Variants in PDE1C observed in about 807,000 individuals in gnomAD.
PDE1C encodes phosphodiesterase 1C.
A neutral mutation model predicts 93.1 loss-of-function variants in PDE1C; 62 were observed. The ratio of observed to expected loss-of-function variants is 0.67; its 90% CI spans 0.54 to 0.82. PDE1C has a LOEUF of 0.82. PDE1C is among the 40% of genes least tolerant of loss of function. The pLI, the probability that PDE1C is intolerant of heterozygous loss-of-function variation, is 0.00. For synonymous variants in PDE1C, 325 were observed against 310.1 expected (o/e 1.05, Z -0.50); for missense variants, 742 against 884.6 (o/e 0.84, Z 2.04).
At chr7:32,304,501 C>T (rs1812949974) in intron 1 of PDE1C, among the ~76,000 whole-genome samples, 1 of 152,170 alleles carries the variant, frequency 6.6e-6, no homozygotes, top group Admixed American at 6.5e-5. Flanking sequence ...CTGTGATGAG[C>T]TTTAGAGCAA....
chr7:32,051,088 C>T (rs79433165), intron 2 of PDE1C, among the ~76,000 whole-genome samples: 5,936 of 152,242 alleles, frequency 0.039, 134 homozygotes, highest in Middle Eastern at 0.085. Context: ...ACAGTCAAAT[C>T]GAAAGACTGC....
At chr7:31,935,570 C>T (rs560987512) in intron 2 of PDE1C, among the ~76,000 whole-genome samples, 1 of 152,224 alleles carries the variant, frequency 6.6e-6, no homozygotes, top group Admixed American at 6.5e-5. Flanking sequence ...TTCAATTATT[C>T]ATTCATTCAT....
At position 32,250,994 on chromosome 7, in the gene PDE1C, T is replaced by G. The variant is rs149535649; in HGVS notation, c.86-41455A>C. Among the ~76,000 whole-genome samples the G allele has an allele frequency of 5.3e-5, 8 of 152,308 alleles. No individual in the cohort carries two copies. In the East Asian group the frequency reaches 1.5e-3, roughly 29 times the overall value. ...TTTGTACAAGTCAAGCCGGATTAAG[T>G]CAGGAGCTCTAGTGAAGCATGATGC... is the stretch of plus-strand genomic sequence containing the variant. On this transcript the variant is annotated intron_variant, in intron 1 of 18. Coordinates refer to the PDE1C transcript ENST00000396193.
At chr7:32,045,928 A>G (rs1367727195) in intron 2 of PDE1C, among the ~76,000 whole-genome samples, 1 of 152,210 alleles carries the variant, frequency 6.6e-6, no homozygotes, top group African/African-American at 2.4e-5. Flanking sequence ...ATGTCAATTC[A>G]TGAAGGCTGA....
the PDE1C span, among the ~76,000 whole-genome samples, chr7:31,702,967 T>C: frequency 6.6e-6 from 1 of 152,240 alleles, no homozygotes; most frequent in Admixed American, 6.5e-5. Context: ...AAATTGAACA[T>C]GGTCTTTGGA....
At chr7:31,705,028 T>A in the PDE1C span, among the ~76,000 whole-genome samples, 2 of 152,184 alleles carry the variant, frequency 1.3e-5, no homozygotes, top group Non-Finnish European at 2.9e-5. Flanking sequence ...AGCTACCACA[T>A]ATTTTTTCAT....
At chr7:32,406,322 G>A (rs1785050753) in intron 1 of PDE1C, among the ~76,000 whole-genome samples, 1 of 152,054 alleles carries the variant, frequency 6.6e-6, no homozygotes, top group Admixed American at 6.6e-5. Context: ...CAGGTTGGTG[G>A]GGAGAATAAG....
At chr7:32,084,556 T>C (rs990722145) in intron 3 of PDE1C, among the ~76,000 whole-genome samples, 4 of 151,868 alleles carry the variant, frequency 2.6e-5, no homozygotes, top group Non-Finnish European at 2.9e-5. Context: ...TACATTTTTT[T>C]CAGCACCACA....
At chr7:31,933,331 T>C (rs964495833) in intron 2 of PDE1C, among the ~76,000 whole-genome samples, 4 of 152,168 alleles carry the variant, frequency 2.6e-5, no homozygotes, top group African/African-American at 9.7e-5. Context: ...CATTGCAACA[T>C]GACCAGGGTA....
chr7:32,051,441 T>A, intron 2 of PDE1C, 113 bp downstream of exon 2: 2 of 1,008,152 alleles, frequency 2.0e-6, no homozygotes, highest in Admixed American at 1.8e-5. Context: ...CGCAACATGC[T>A]GAGAAAGAAC....
intron 1 of PDE1C, among the ~76,000 whole-genome samples, chr7:32,404,493 AC>A (rs11323246): frequency 0.85 from 129,014 of 151,878 alleles, 57,127 homozygotes; most frequent in East Asian, 0.99. Context: ...AGCTGGGACC[AC>A]AGGTGCATGC....
intron 1 of PDE1C, among the ~76,000 whole-genome samples, chr7:32,335,889 C>T (rs1267380076): frequency 6.6e-6 from 1 of 152,058 alleles, no homozygotes; most frequent in African/African-American, 2.4e-5. Context: ...CCACTACACT[C>T]AGCTAATTTT....
At chr7:32,055,222 A>AT (rs1294400539) in intron 1 of PDE1C, among the ~76,000 whole-genome samples, 1 of 152,230 alleles carries the variant, frequency 6.6e-6, no homozygotes, top group Non-Finnish European at 1.5e-5. Flanking sequence ...CTAAGCAATG[A>AT]TTTATAATGA....
chr7:32,288,199 C>T (rs1014265415), intron 1 of PDE1C, among the ~76,000 whole-genome samples: 3 of 152,138 alleles, frequency 2.0e-5, no homozygotes, highest in South Asian at 2.1e-4. Context: ...GGTTCTGAAA[C>T]GAGTCACTCC....
At chr7:31,708,051 G>C in the PDE1C span, 1 of 152,344 alleles carries the variant, frequency 6.6e-6, no homozygotes, top group East Asian at 1.9e-4. Context: ...AAATATCAAT[G>C]TTTGTGATGA....
At chr7:32,025,274 G>A (rs1789263796) in intron 2 of PDE1C, among the ~76,000 whole-genome samples, 1 of 152,076 alleles carries the variant, frequency 6.6e-6, no homozygotes, top group Non-Finnish European at 1.5e-5. Flanking sequence ...CTCCAAAAAG[G>A]CAGTACAAGC....
chr7:31,620,701 A>G, the PDE1C span, among the ~76,000 whole-genome samples: 9 of 151,874 alleles, frequency 5.9e-5, no homozygotes, highest in African/African-American at 1.7e-4. Context: ...AAAGCAGAGC[A>G]CCTCTCCTCC....
chr7:32,048,041 C>T (rs533996504), intron 2 of PDE1C, among the ~76,000 whole-genome samples: 19 of 152,230 alleles, frequency 1.2e-4, no homozygotes, highest in East Asian at 1.9e-4. Flanking sequence ...ATCAAGTAGG[C>T]AAGCAAACAT....
chr7:31,721,704 T>C, the PDE1C span, among the ~76,000 whole-genome samples: 10 of 152,336 alleles, frequency 6.6e-5, no homozygotes, highest in Admixed American at 2.6e-4. Flanking sequence ...ATAGCAATAC[T>C]TGGACACGCT....
Sources: allele counts gnomAD v4.1 joint callset (sites outside exome capture counted in the v4.1 genomes callset), GRCh38; gene constraint gnomAD v4.1.1; transcripts MANE v1.5; gene names NCBI Gene and HGNC (gene_info 2026-07-23, HGNC 2026-07-21).